Variants in NOP14 observed in about 807,000 individuals in gnomAD.
The protein encoded by NOP14 is nucleolar protein 14.
Under a neutral mutation model 101.6 loss-of-function variants are expected in NOP14, and 57 were observed. That is an observed-to-expected ratio of 0.56 (90% CI 0.45 to 0.70). NOP14 has a LOEUF of 0.70. Among genes scored for constraint, NOP14 ranks in the 30% least tolerant of loss-of-function variants. The pLI is 0.00. For missense variants in NOP14, 1,134 were observed against 1,075.5 expected, an observed-to-expected ratio of 1.05 and a Z score of -0.76; for synonymous variants, 428 against 424.0, an observed-to-expected ratio of 1.01 and a Z score of -0.12.
intron 12 of NOP14, among the ~76,000 whole-genome samples, chr4:2,944,471 A>G (rs533649248): frequency 7.9e-5 from 12 of 152,298 alleles, no homozygotes; most frequent in African/African-American, 9.6e-5. Context: ...CAATGGCACA[A>G]TCTCGGCTCA....
intron 17 of NOP14, 70 bp downstream of exon 17, chr4:2,939,118 C>CT: frequency 1.9e-6 from 3 of 1,589,534 alleles, no homozygotes; most frequent in Non-Finnish European, 2.6e-6. Context: ...GCCCGGTGCT[C>CT]TGCCCAGGGC....
At position 2,938,914 on chromosome 4, in the gene NOP14, G is replaced by T; in HGVS notation, c.2491C>A (p.Arg831=). 6.2e-7 allele frequency: 1 copy of T among 1,613,914 alleles called. No individual in the cohort carries two copies. The highest frequency in any genetic ancestry group is 8.5e-7 in the Non-Finnish European group (1 of 1,179,910). ...EIMERDAERK[R]KVKQLFNSLA... ...CTGTTAAAAAGCTGCTTTACTTTCC[G>T]CTTTCTTTCCGCATCCCTAAAAGAA... Residue 831 remains arginine (R), a synonymous_variant, in exon 18 of 18, where the codon CGG becomes AGG. Coordinates refer to ENST00000416614, the MANE Select transcript of NOP14 (RefSeq NM_001291978.2).
intron 6 of NOP14, among the ~76,000 whole-genome samples, 196 bp from the exon 7 acceptor site, chr4:2,951,441 CA>C (rs1301315728): frequency 1.3e-5 from 2 of 152,222 alleles, no homozygotes; most frequent in African/African-American, 4.8e-5. Flanking sequence ...CCTCATTTAA[CA>C]AAATCAACTG....
At chr4:2,959,427 C>T (rs952281932) in intron 1 of NOP14, among the ~76,000 whole-genome samples, 2 of 151,920 alleles carry the variant, frequency 1.3e-5, no homozygotes, top group Non-Finnish European at 2.9e-5. Flanking sequence ...CCCGTCTCTA[C>T]TAAAAATACA....
At chr4:2,960,868 T>A (rs1158155634) in intron 1 of NOP14, among the ~76,000 whole-genome samples, 1 of 109,248 alleles carries the variant, frequency 9.2e-6, no homozygotes, top group South Asian at 2.4e-4. Context: ...ATATTAATAT[T>A]ATAATTACAT....
chr4:2,945,972 C>T (rs1432285236), intron 11 of NOP14, among the ~76,000 whole-genome samples: 3 of 121,996 alleles, frequency 2.5e-5, no homozygotes, highest in Admixed American at 8.0e-5. Flanking sequence ...CCCTCACTGC[C>T]GTGCACTCTC....
At chr4:2,939,667 A>G in intron 15 of NOP14, 22 bp from the exon 16 acceptor site, 2 of 1,573,022 alleles carry the variant, frequency 1.3e-6, no homozygotes, top group Non-Finnish European at 1.7e-6. Flanking sequence ...GAAATCCCCG[A>G]CTCTGCGATG....
Position 2,960,980 on chromosome 4 carries a change from A to C in NOP14, c.195+2145T>G, listed in dbSNP as rs1254646176. 1.5e-3 allele frequency among the ~76,000 whole-genome samples: 62 copies of C among 40,404 alleles called. 4 individuals are homozygous for C. The highest frequency in any genetic ancestry group is 3.3e-3 in the African/African-American group (26 of 7,858). The allele number at this position is 40,404 out of a possible 152,430, so 26.5% of individuals were successfully genotyped here. Reference sequence around the variant, plus strand: ...TTAATATTATATCAATATTATATTAATATTATATCGATATTATTTTAATAT... The same window carrying C: ...TTAATATTATATCAATATTATATTACTATTATATCGATATTATTTTAATAT... On this transcript the variant is annotated intron_variant, in intron 1 of 17. Transcript: ENST00000416614.
intron 1 of NOP14, among the ~76,000 whole-genome samples, chr4:2,960,685 TATTATAATC>T (rs1715681704): frequency 7.9e-6 from 1 of 127,238 alleles, no homozygotes; most frequent in African/African-American, 3.1e-5. Flanking sequence ...ATTATATTAA[TATTATAATC>T]ACATTAATAT....
At chr4:2,952,544 A>G in intron 5 of NOP14, 147 bp from the exon 6 acceptor site, 1 of 708,716 alleles carries the variant, frequency 1.4e-6, no homozygotes, top group Non-Finnish European at 2.2e-6. Context: ...CTTTTCTTCT[A>G]GAGAGAAAAC....
At chr4:2,961,260 AATAT>A (rs770728543) in intron 1 of NOP14, 2 of 145,158 alleles carry the variant, frequency 1.4e-5, no homozygotes, top group East Asian at 1.9e-4. Flanking sequence ...CTATATTAAT[AATAT>A]AGTTAGTATA....
At position 2,951,131 on chromosome 4, in the gene NOP14, G is replaced by C. The variant is rs375119073; in HGVS notation, c.985C>G (p.Arg329Gly). The change falls in exon 7 of 18, where the codon CGT (arginine) becomes GGT (glycine). Residue 329 changes from arginine to glycine, a missense_variant. Arg to Gly is a moderately radical substitution (Grantham distance 125, BLOSUM62 -2). Transcript: ENST00000416614. ...DGFVLDKDDRRLLSYKDGKMN... is the reference protein window; with the variant it reads ...DGFVLDKDDRGLLSYKDGKMN... ...CATCTTACTTTGTAGGAAAGCAAAC[G>C]CCTGTCATCTTTATCTAGCACGAAG... The C allele has an allele frequency of 6.2e-7, 1 of 1,611,562 alleles. No homozygotes were observed. The highest frequency in any genetic ancestry group is 8.5e-7 in the Non-Finnish European group (1 of 1,178,316).
intron 10 of NOP14, 153 bp downstream of exon 10, chr4:2,947,373 C>T (rs1714729037): frequency 3.2e-6 from 2 of 630,892 alleles, no homozygotes; most frequent in Admixed American, 2.8e-5. Flanking sequence ...CTGTGAGGCT[C>T]ACAAGCCCTG....
At chr4:2,939,794 T>C in intron 15 of NOP14, 149 bp from the exon 16 acceptor site, 1 of 704,072 alleles carries the variant, frequency 1.4e-6, no homozygotes, top group South Asian at 1.6e-5. Flanking sequence ...CGCCTACCGG[T>C]GGGCGGGGGG....
chr4:2,939,091 G>T, intron 17 of NOP14, 97 bp downstream of exon 17: 2 of 1,560,952 alleles, frequency 1.3e-6, no homozygotes, highest in South Asian at 1.2e-5. Context: ...CAGAGCCAAG[G>T]CTGTGGGATG....
At chr4:2,947,094 C>T in intron 10 of NOP14, 1 of 227,478 alleles carries the variant, frequency 4.4e-6, no homozygotes. Flanking sequence ...CAGGAGCTCG[C>T]CCTGGCGGTC....
In NOP14 at chr4:2,942,837, T is replaced by C. The variant is rs575277569; in HGVS notation, c.1892-486A>G. Among the ~76,000 whole-genome samples the C allele has an allele frequency of 5.4e-3, 634 of 116,802 alleles. 8 individuals are homozygous for C. The highest frequency in any genetic ancestry group is 0.019 in the African/African-American group (475 of 25,068). 76.6% of individuals were successfully genotyped at this position (116,802 alleles called of 152,430 possible). On this transcript the variant is annotated intron_variant, in intron 13 of 17. Transcript: ENST00000416614. ...TGAGGGGCAGACGTCAGCAAAGGCC[T>C]GTAGGACGCAGGAGTCAATTCACTC... is the stretch of plus-strand genomic sequence containing the variant.
chr4:2,957,871 T>G, intron 1 of NOP14, 131 bp from the exon 2 acceptor site: 1 of 844,958 alleles, frequency 1.2e-6, no homozygotes, highest in Non-Finnish European at 1.7e-6. Flanking sequence ...CAATCTGCTT[T>G]CATGCACGAT....
rs573148365 is a variant in NOP14, at chr4:2,938,267, A to G, written c.*564T>C. ...CTTTTTTGGCTGGGTGCTGTGGCTC[A>G]CACCTATAATTGGGGGGCCAAGGCA... On this transcript the variant is annotated 3_prime_UTR_variant, in exon 18 of 18. Coordinates refer to ENST00000416614, the MANE Select transcript of NOP14 (RefSeq NM_001291978.2). 2 of 1,277,222 alleles carry G rather than the reference A, an allele frequency of 1.6e-6. No homozygotes were observed. Among genetic ancestry groups the G allele is most frequent in the Non-Finnish European group, 2.0e-6 (2 of 977,972 alleles). The allele number at this position is 1,277,222 out of a possible 1,614,324, so 79.1% of individuals were successfully genotyped here.
Sources: gnomAD v4.1 joint callset for allele counts (sites outside exome capture counted in the v4.1 genomes callset) on GRCh38, gnomAD v4.1.1 for gene constraint, MANE v1.5 for transcripts, NCBI Gene and HGNC (gene_info 2026-07-23, HGNC 2026-07-21) for gene names.